The following SNW1 variants were observed in gnomAD, a reference collection of about 807,000 sequenced individuals.
The protein encoded by SNW1 is SNW domain-containing protein 1.
SNW1 carries 9 observed loss-of-function variants against 75.6 expected under a neutral mutation model. The observed-to-expected ratio is 0.12, with a 90% CI of 0.07 to 0.21. The LOEUF (loss-of-function observed/expected upper bound fraction) is 0.21, where lower values mean the gene tolerates loss of function less well. SNW1 is among the 10% of genes least tolerant of loss of function. The pLI is 1.00. For missense variants in SNW1, 409 were observed against 670.9 expected (o/e 0.61, Z 4.31); for synonymous variants, 200 against 219.1 (o/e 0.91, Z 0.77).
At position 77,738,890 on chromosome 14, in the gene SNW1, A is replaced by G. The variant is rs773355842; in HGVS notation, c.427-6T>C. 1 of 1,613,234 alleles carries G rather than the reference A, an allele frequency of 6.2e-7. No homozygotes were observed. Among genetic ancestry groups the G allele is most frequent in the South Asian group, 1.1e-5 (1 of 91,072 alleles). ...ACTCTTGTCTTTTCTGTTATCTGAA[A>G]TAGGAAATATCACATTGAGAGTTTG... On this transcript the variant is annotated splice_polypyrimidine_tract_variant and splice_region_variant and intron_variant, in intron 4 of 13. Coordinates refer to ENST00000261531, the MANE Select transcript of SNW1 (RefSeq NM_012245.3).
intron 3 of SNW1, among the ~76,000 whole-genome samples, chr14:77,743,261 G>GA (rs11340395): frequency 5.3e-5 from 8 of 149,898 alleles, no homozygotes; most frequent in South Asian, 4.2e-4. Context: ...TCATAATTAG[G>GA]AAAAAAAAAG....
intron 1 of SNW1, among the ~76,000 whole-genome samples, chr14:77,759,787 C>T (rs1306885529): frequency 3.3e-5 from 5 of 151,886 alleles, no homozygotes; most frequent in African/African-American, 1.2e-4. Context: ...ACCACTCTGG[C>T]CAACGCAGTA....
At chr14:77,722,475 A>G in intron 11 of SNW1, 1 of 454,898 alleles carries the variant, frequency 2.2e-6, no homozygotes, top group Non-Finnish European at 4.4e-6. Flanking sequence ...AATGATCTCA[A>G]TAAAAGCATG....
At position 77,730,900 on chromosome 14, in the gene SNW1, C is replaced by T; in HGVS notation, c.1033+88G>A. The stretch of plus-strand genomic sequence containing the variant: ...TCTAAATTTTGTTTATATGTACCTA[C>T]TTTATATGCAGTAGGAAAAAGATTT... On this transcript the variant is annotated intron_variant, in intron 10 of 13. Transcript: ENST00000261531. The T allele has an allele frequency of 2.1e-6, 3 of 1,429,778 alleles. No individual in the cohort carries two copies. The South Asian group carries it at 3.9e-5, about 19-fold the overall frequency. The allele number at this position is 1,429,778 out of a possible 1,614,324, so 88.6% of individuals were successfully genotyped here. A position where few individuals can be genotyped will look rare whatever the true frequency, so the allele number is the denominator to read the frequency against.
At chr14:77,726,758 G>T (rs2080588801) in intron 10 of SNW1, among the ~76,000 whole-genome samples, 2 of 151,882 alleles carry the variant, frequency 1.3e-5, no homozygotes, top group Admixed American at 1.3e-4. Flanking sequence ...AGGTTGCAGT[G>T]TGCTGAGATC....
intron 4 of SNW1, 35 bp downstream of exon 4, chr14:77,738,931 G>A: frequency 6.2e-7 from 1 of 1,607,640 alleles, no homozygotes; most frequent in Non-Finnish European, 8.5e-7. Flanking sequence ...TAATCAGGAT[G>A]TAAATAGTCA....
intron 3 of SNW1, among the ~76,000 whole-genome samples, chr14:77,739,489 T>C (rs1024180071): frequency 6.6e-6 from 1 of 152,172 alleles, no homozygotes; most frequent in Non-Finnish European, 1.5e-5. Flanking sequence ...TGAAAAATTT[T>C]ATTGACCTCA....
chr14:77,723,379 T>C, intron 10 of SNW1, 102 bp from the exon 11 acceptor site: 1 of 826,596 alleles, frequency 1.2e-6, no homozygotes, highest in Non-Finnish European at 2.0e-6. Flanking sequence ...AGACAGCATC[T>C]CACTCTGTCA....
intron 5 of SNW1, among the ~76,000 whole-genome samples, chr14:77,738,406 C>T (rs1002175530): frequency 3.3e-4 from 50 of 151,946 alleles, no homozygotes; most frequent in Admixed American, 3.3e-3. Context: ...CCCAGGAGTT[C>T]GAAAACAGCC....
chr14:77,723,489 A>T (rs1422244836), intron 10 of SNW1, among the ~76,000 whole-genome samples: 1 of 152,136 alleles, frequency 6.6e-6, no homozygotes, highest in Non-Finnish European at 1.5e-5. Flanking sequence ...ACCTGGGACC[A>T]CAGATGTGTG....
At chr14:77,719,505 C>T (rs903775982) in intron 12 of SNW1, among the ~76,000 whole-genome samples, 2 of 152,112 alleles carry the variant, frequency 1.3e-5, no homozygotes, top group African/African-American at 4.8e-5. Flanking sequence ...GGCATGGTGG[C>T]ACATGCCCTG....
intron 3 of SNW1, among the ~76,000 whole-genome samples, chr14:77,749,519 C>T (rs2080790664): frequency 6.6e-6 from 1 of 152,194 alleles, no homozygotes; most frequent in Non-Finnish European, 1.5e-5. Flanking sequence ...GTAATCCCAG[C>T]ACTTTGGGAG....
intron 2 of SNW1, among the ~76,000 whole-genome samples, chr14:77,751,845 C>CACCACA (rs1555388654): frequency 1.6e-5 from 2 of 122,580 alleles, no homozygotes; most frequent in Non-Finnish European, 3.3e-5. Context: ...CACACACACA[C>CACCACA]CACACACACA....
intron 1 of SNW1, among the ~76,000 whole-genome samples, chr14:77,757,561 T>C (rs1345650415): frequency 6.6e-6 from 1 of 152,244 alleles, no homozygotes; most frequent in East Asian, 1.9e-4. Context: ...ATTTCAGGGC[T>C]GTTCCATGAC....
At chr14:77,724,890 A>T (rs2080572490) in intron 10 of SNW1, among the ~76,000 whole-genome samples, 1 of 152,126 alleles carries the variant, frequency 6.6e-6, no homozygotes, top group African/African-American at 2.4e-5. Flanking sequence ...TGGATCACGT[A>T]GTGGCTCTAT....
chr14:77,732,001 G>A (rs1167403622), intron 9 of SNW1, among the ~76,000 whole-genome samples: 1 of 152,156 alleles, frequency 6.6e-6, no homozygotes, highest in East Asian at 1.9e-4. Context: ...CTCCCAAAAT[G>A]CTGGGATTAT....
At chr14:77,747,765 T>C (rs2080774503) in intron 3 of SNW1, among the ~76,000 whole-genome samples, 1 of 148,342 alleles carries the variant, frequency 6.7e-6, no homozygotes, top group Non-Finnish European at 1.5e-5. Context: ...GGCCAGCCCC[T>C]GCCTGGCCAG....
chr14:77,724,444 GA>G (rs1292304053), intron 10 of SNW1, among the ~76,000 whole-genome samples: 30 of 152,176 alleles, frequency 2.0e-4, no homozygotes, highest in Admixed American at 2.0e-3. Context: ...ACTGTACTAG[GA>G]ACATTAGAAC....
chr14:77,750,478 C>T (rs2139928626), intron 3 of SNW1, among the ~76,000 whole-genome samples: 1 of 152,244 alleles, frequency 6.6e-6, no homozygotes, highest in Middle Eastern at 3.4e-3. Flanking sequence ...TAATTGTCTT[C>T]CCCCAAAGCT....
Sources: gnomAD v4.1 joint callset for allele counts (sites outside exome capture counted in the v4.1 genomes callset) on GRCh38, gnomAD v4.1.1 for gene constraint, MANE v1.5 for transcripts, NCBI Gene and HGNC (gene_info 2026-07-23, HGNC 2026-07-21) for gene names.